Variants in C11orf65 observed in about 807,000 individuals in gnomAD.
C11orf65 encodes the protein protein MFI.
C11orf65 carries 38 observed loss-of-function variants against 35.3 expected under a neutral mutation model. That is an observed-to-expected ratio of 1.08 (90% CI 0.83 to 1.41). The LOEUF is 1.41. Ranked by LOEUF, C11orf65 falls within the 40% of genes most tolerant of loss-of-function variation. The pLI, the probability that C11orf65 is intolerant of heterozygous loss-of-function variation, is 0.00. For synonymous variants in C11orf65, 105 were observed against 114.4 expected, an observed-to-expected ratio of 0.92 and a Z score of 0.53; for missense variants, 370 against 367.1, an observed-to-expected ratio of 1.01 and a Z score of -0.06.
chr11:108,405,421 C>T lies in C11orf65; in HGVS notation c.560+8G>A, dbSNP rs116618429. 2.4e-4 allele frequency: 392 copies of T among 1,607,004 alleles called. No individual in the cohort carries two copies. The African/African-American group carries it at 4.5e-3, about 18-fold the overall frequency. Reference sequence around the variant, plus strand: ...CGTATTTCCTTAGTAAGTGTTTCATCAACTTACATTTGCCTCATCCACTCT... The same window carrying T: ...CGTATTTCCTTAGTAAGTGTTTCATTAACTTACATTTGCCTCATCCACTCT... On this transcript the variant is annotated splice_region_variant and intron_variant, in intron 6 of 8. Coordinates refer to ENST00000393084, the MANE Select transcript of C11orf65 (RefSeq NM_152587.5).
chr11:108,414,600 G>A (rs1591504098), intron 3 of C11orf65, among the ~76,000 whole-genome samples: 2 of 151,792 alleles, frequency 1.3e-5, no homozygotes, highest in East Asian at 1.9e-4. Context: ...AAAGCACAAG[G>A]CCCAGATGGA....
chr11:108,409,453 T>A (rs1417977952), intron 3 of C11orf65, among the ~76,000 whole-genome samples: 1 of 152,184 alleles, frequency 6.6e-6, no homozygotes, highest in East Asian at 1.9e-4. Context: ...CAATTTTGAC[T>A]ACAATGGTGT....
At chr11:108,437,707 T>TAAAAAAAAAAAAAAA (rs145337876) in intron 2 of C11orf65, among the ~76,000 whole-genome samples, 15 of 38,028 alleles carry the variant, frequency 3.9e-4, no homozygotes, top group Non-Finnish European at 4.8e-4. Context: ...GACTCAGTCT[T>TAAAAAAAAAAAAAAA]AAAAAAAAAA....
In C11orf65 at chr11:108,358,423, C is replaced by T. The variant is rs185706746; in HGVS notation, c.227-23131G>A. Among the ~76,000 whole-genome samples the T allele has an allele frequency of 2.7e-3, 403 of 150,310 alleles. 3 individuals carry two copies. Among genetic ancestry groups the T allele is most frequent in the Admixed American group, 0.014 (205 of 15,018 alleles). ...CAATCTAGCAAGGCAGGCCAACGTTCAGATTCAGGAAATACAGAGAATGCC... is the reference window on the plus strand; with the variant it reads ...CAATCTAGCAAGGCAGGCCAACGTTTAGATTCAGGAAATACAGAGAATGCC... On this transcript the variant is annotated intron_variant, in intron 2 of 3. Coordinates refer to the C11orf65 transcript ENST00000524755.
chr11:108,382,077 C>T (rs533222573), downstream of C11orf65, among the ~76,000 whole-genome samples: 1 of 152,172 alleles, frequency 6.6e-6, no homozygotes, highest in Non-Finnish European at 1.5e-5. Flanking sequence ...GAGGCAGATT[C>T]TCCAACCCAG....
At chr11:108,384,527 A>C (rs924476553) in intron 8 of C11orf65, among the ~76,000 whole-genome samples, 1 of 152,124 alleles carries the variant, frequency 6.6e-6, no homozygotes, top group Non-Finnish European at 1.5e-5. Flanking sequence ...GGCACTCTGA[A>C]TCAAGAGTCC....
chr11:108,410,286 T>C (rs1284275818), intron 3 of C11orf65, among the ~76,000 whole-genome samples: 5 of 152,240 alleles, frequency 3.3e-5, no homozygotes, highest in Non-Finnish European at 5.9e-5. Flanking sequence ...AATTGTATTT[T>C]CTTATGACTA....
At chr11:108,357,862 A>C (rs2090203167) in intron 2 of C11orf65, among the ~76,000 whole-genome samples, 1 of 151,294 alleles carries the variant, frequency 6.6e-6, no homozygotes, top group Non-Finnish European at 1.5e-5. Context: ...GAACAGAAAA[A>C]CTGGAAACTC....
At chr11:108,435,555 C>T (rs554837131) in intron 2 of C11orf65, among the ~76,000 whole-genome samples, 37 of 152,142 alleles carry the variant, frequency 2.4e-4, no homozygotes, top group African/African-American at 7.5e-4. Flanking sequence ...TGAAGTTTTG[C>T]GTCATTCCCT....
At chr11:108,426,076 G>C (rs2138973182) in intron 3 of C11orf65, among the ~76,000 whole-genome samples, 1 of 152,254 alleles carries the variant, frequency 6.6e-6, no homozygotes, top group Non-Finnish European at 1.5e-5. Flanking sequence ...CATTCCCTTT[G>C]AAAACCGGTA....
downstream of C11orf65, among the ~76,000 whole-genome samples, chr11:108,379,547 A>T (rs2091818119): frequency 6.6e-6 from 1 of 152,042 alleles, no homozygotes; most frequent in South Asian, 2.1e-4. Context: ...TAATGGGTGC[A>T]GCACACCAGC....
intron 2 of C11orf65, chr11:108,347,401 T>G (rs755750695): frequency 7.4e-6 from 11 of 1,483,162 alleles, no homozygotes. Flanking sequence ...TTCTTTTTAG[T>G]AAATATTTGG....
intron 6 of C11orf65, chr11:108,321,511 G>A (rs772705678): frequency 3.9e-5 from 62 of 1,570,032 alleles, no homozygotes; most frequent in Admixed American, 5.0e-5. Flanking sequence ...GGCCGGGCAC[G>A]GTGGCTCATG....
At chr11:108,340,290 C>T (rs2087382994) in intron 2 of C11orf65, 1 of 152,138 alleles carries the variant, frequency 6.6e-6, no homozygotes, top group Non-Finnish European at 1.5e-5. Flanking sequence ...TTTCTCTTTC[C>T]ACCAACTTCC....
intron 6 of C11orf65, among the ~76,000 whole-genome samples, chr11:108,321,023 T>C (rs757445245): frequency 2.0e-5 from 3 of 152,134 alleles, no homozygotes; most frequent in Non-Finnish European, 4.4e-5. Context: ...GCCACCTTCA[T>C]GTTGAGTAGG....
At chr11:108,312,273 T>C (rs928633588) in intron 6 of C11orf65, 4 of 671,898 alleles carry the variant, frequency 6.0e-6, no homozygotes, top group Non-Finnish European at 1.1e-5. Flanking sequence ...AATGGTATTA[T>C]GTTTTAAAGT....
intron 3 of C11orf65, among the ~76,000 whole-genome samples, chr11:108,407,474 G>A (rs1282395427): frequency 7.1e-6 from 1 of 140,522 alleles, no homozygotes; most frequent in Admixed American, 8.0e-5. Context: ...ACCATGCCTG[G>A]CTAATTTTGT....
At chr11:108,412,407 T>C (rs78208981) in intron 3 of C11orf65, among the ~76,000 whole-genome samples, 4,567 of 151,992 alleles carry the variant, frequency 0.03, 111 homozygotes, top group Non-Finnish European at 0.045. Flanking sequence ...GATCTACATA[T>C]ACCAATTACA....
At chr11:108,448,572 C>G (rs2093300534) in intron 2 of C11orf65, among the ~76,000 whole-genome samples, 1 of 152,126 alleles carries the variant, frequency 6.6e-6, no homozygotes, top group Admixed American at 6.5e-5. Flanking sequence ...AGGCCTTTGA[C>G]AAAATTCAAC....
Sources: gnomAD v4.1 joint callset for allele counts (sites outside exome capture counted in the v4.1 genomes callset) on GRCh38, gnomAD v4.1.1 for gene constraint, MANE v1.5 for transcripts, NCBI Gene and HGNC (gene_info 2026-07-23, HGNC 2026-07-21) for gene names.